The following UBR2 variants were observed in gnomAD, a reference collection of about 807,000 sequenced individuals.
The protein encoded by UBR2 is ubiquitin protein ligase E3 component n-recognin 2.
Under a neutral mutation model 247.9 loss-of-function variants are expected in UBR2, and 92 were observed. The ratio of observed to expected loss-of-function variants is 0.37; its 90% confidence interval spans 0.31 to 0.44. UBR2 has a LOEUF of 0.44. Ranked by LOEUF, UBR2 falls within the 20% of genes least tolerant of loss-of-function variation. The pLI is 1.00. For missense variants in UBR2, 1,613 were observed against 2,112.6 expected, an observed-to-expected ratio of 0.76 and a Z score of 4.64; for synonymous variants, 672 against 693.5, an observed-to-expected ratio of 0.97 and a Z score of 0.49.
In UBR2 at chr6:42,592,587, A is replaced by C. The variant is rs1360956303; in HGVS notation, c.417+358A>C. Among the ~76,000 whole-genome samples, 8 of 152,170 alleles carry C rather than the reference A, an allele frequency of 5.3e-5. No individual in the cohort carries two copies. The East Asian group carries it at 1.5e-3, about 29-fold the overall frequency. Reference sequence around the variant, plus strand: ...CAGTTTAGTATTTTTTCACTGCTGTAATGCTGTCAGTACTTTTCAAAATTC... The same window carrying C: ...CAGTTTAGTATTTTTTCACTGCTGTCATGCTGTCAGTACTTTTCAAAATTC... On this transcript the variant is annotated intron_variant, in intron 3 of 46. Transcript: ENST00000372901.
intron 8 of UBR2, among the ~76,000 whole-genome samples, chr6:42,614,783 T>C (rs1040023578): frequency 4.7e-5 from 7 of 150,534 alleles, no homozygotes; most frequent in African/African-American, 1.7e-4. Flanking sequence ...AGTGGTTTTT[T>C]GGATGTTTTT....
At position 42,679,626 on chromosome 6, in the gene UBR2, C is replaced by T. The variant is rs1349651116; in HGVS notation, c.4610-98C>T. ...GTTACGTACCTGGCAAATTGGAAGT[C>T]TTTCATCCTTTTTTTTTAAACTCTG... is the stretch of plus-strand genomic sequence containing the variant. On this transcript the variant is annotated intron_variant, in intron 41 of 46. Transcript: ENST00000372901. 2.8e-5 allele frequency: 25 copies of T among 888,986 alleles called. No individual in the cohort carries two copies. The South Asian group carries it at 3.2e-4, about 12-fold the overall frequency. The allele number at this position is 888,986 out of a possible 1,614,324, so 55.1% of individuals were successfully genotyped here.
chr6:42,629,011 TTTTTTG>T (rs953574189), intron 11 of UBR2, among the ~76,000 whole-genome samples: 65 of 151,904 alleles, frequency 4.3e-4, no homozygotes, highest in African/African-American at 1.5e-3. Context: ...AATCAGGGGT[TTTTTTG>T]TTTTTGTTTT....
At position 42,691,287 on chromosome 6, in the gene UBR2, C is replaced by A. The variant is rs1799738138; in HGVS notation, c.*114C>A. The stretch of plus-strand genomic sequence containing the variant: ...AAATTCTTTATTTAAACTTTCCTTC[C>A]CAGTTTTATAGTTTCTGGTTCTGAG... On this transcript the variant is annotated 3_prime_UTR_variant, in exon 47 of 47. Coordinates refer to ENST00000372901, the MANE Select transcript of UBR2 (RefSeq NM_001363705.2). 10 of 1,449,436 alleles carry A rather than the reference C, an allele frequency of 6.9e-6. No individual in the cohort carries two copies. The highest frequency in any genetic ancestry group is 9.4e-6 in the Non-Finnish European group (10 of 1,061,976). 89.8% of individuals were successfully genotyped at this position (1,449,436 alleles called of 1,614,324 possible).
In UBR2 at chr6:42,658,063, C is replaced by CTA. The variant is rs769431345; in HGVS notation, c.2914_2915dup (p.Met972IlefsTer12). The CTA allele has an allele frequency of 6.2e-7, 1 of 1,614,048 alleles. No homozygotes were observed. ...CCAAAAAATTCTCCTAGCATACTAG[C>CTA]TATGCTGGAAACACTACAAAATGCT... On this transcript the variant is annotated frameshift_variant, in exon 27 of 47. Transcript: ENST00000372901. LOFTEE classifies it high-confidence loss of function.
intron 26 of UBR2, among the ~76,000 whole-genome samples, chr6:42,657,553 A>G (rs543049504): frequency 6.6e-6 from 1 of 152,354 alleles, no homozygotes; most frequent in East Asian, 1.9e-4. Flanking sequence ...GACTAATAGA[A>G]AATATGGACT....
rs1276689111 is a variant in UBR2 at position 42,689,407 on chromosome 6, G to A, written c.5025-162G>A. ...GGATCAGGGGACACAAATTTGACTC[G>A]ATTCAACCTATTTCCTAGTTTGTGC... On this transcript the variant is annotated intron_variant, in intron 45 of 46. Coordinates refer to ENST00000372901, the MANE Select transcript of UBR2 (RefSeq NM_001363705.2). This position sits in a 1 kb window ranked among gnomAD's most constrained non-coding sequence, Gnocchi z 4.0. Among the ~76,000 whole-genome samples, 1 of 152,112 alleles carries A rather than the reference G, an allele frequency of 6.6e-6. No individual in the cohort carries two copies. The highest frequency in any genetic ancestry group is 2.4e-5 in the African/African-American group (1 of 41,424).
chr6:42,674,490 G>T (rs1379664687), intron 38 of UBR2, among the ~76,000 whole-genome samples: 1 of 152,144 alleles, frequency 6.6e-6, no homozygotes, highest in Non-Finnish European at 1.5e-5. Context: ...CGGGTCAGGT[G>T]TGGTGACTCA....
rs1797650778 is a variant in UBR2, at chr6:42,659,463, T to C, written c.3243-193T>C. On this transcript the variant is annotated intron_variant, in intron 29 of 46. Coordinates refer to ENST00000372901, the MANE Select transcript of UBR2 (RefSeq NM_001363705.2). This position sits in a 1 kb window ranked among gnomAD's most constrained non-coding sequence, Gnocchi z 4.3. ...TTGCAGTGAGCCAAGATTGTGCCAC[T>C]CACCCCAGCCTGGGTGACAGAGCAA... Among the ~76,000 whole-genome samples the C allele has an allele frequency of 6.6e-6, 1 of 150,836 alleles. No homozygotes were observed. The highest frequency in any genetic ancestry group is 2.4e-5 in the African/African-American group (1 of 40,920).
chr6:42,593,400 T>G (rs1792786666), intron 3 of UBR2, among the ~76,000 whole-genome samples: 1 of 152,178 alleles, frequency 6.6e-6, no homozygotes, highest in Non-Finnish European at 1.5e-5. Context: ...TTTATAGGGT[T>G]ACATTAATTA....
intron 11 of UBR2, among the ~76,000 whole-genome samples, chr6:42,623,860 GTTAT>G (rs1289004003): frequency 6.6e-6 from 1 of 151,644 alleles, no homozygotes; most frequent in African/African-American, 2.4e-5. Context: ...TGTTAATAAG[GTTAT>G]TTAATTTTTT....
At chr6:42,648,300 T>C in intron 22 of UBR2, 130 bp downstream of exon 22, 1 of 749,884 alleles carries the variant, frequency 1.3e-6, no homozygotes, top group Non-Finnish European at 2.3e-6. Context: ...ATTTTCAAAT[T>C]ATAGCTCTGA....
At chr6:42,672,848 G>T (rs1377885107) in intron 36 of UBR2, among the ~76,000 whole-genome samples, 1 of 152,076 alleles carries the variant, frequency 6.6e-6, no homozygotes, top group East Asian at 1.9e-4. Context: ...GAGAGCAGGA[G>T]GGGGAGAATG....
rs1799739127 is a variant in UBR2 at position 42,691,305 on chromosome 6, G to T, written c.*132G>T. The T allele has an allele frequency of 7.0e-6, 9 of 1,283,052 alleles. No individual in the cohort carries two copies. The South Asian group carries it at 1.1e-4, about 16-fold the overall frequency. The allele number at this position is 1,283,052 out of a possible 1,614,324, so 79.5% of individuals were successfully genotyped here. A position where few individuals can be genotyped will look rare whatever the true frequency, so the allele number is the denominator to read the frequency against. On this transcript the variant is annotated 3_prime_UTR_variant, in exon 47 of 47. Coordinates refer to ENST00000372901, the MANE Select transcript of UBR2 (RefSeq NM_001363705.2). ...TTCCTTCCCAGTTTTATAGTTTCTGGTTCTGAGGACTGATGAAAATCATCT... is the reference window on the plus strand; with the variant it reads ...TTCCTTCCCAGTTTTATAGTTTCTGTTTCTGAGGACTGATGAAAATCATCT...
At chr6:42,631,537 C>T (rs1795710231) in intron 11 of UBR2, among the ~76,000 whole-genome samples, 1 of 151,976 alleles carries the variant, frequency 6.6e-6, no homozygotes, top group African/African-American at 2.4e-5. Context: ...TATAAATATT[C>T]CTACAACTAT....
chr6:42,574,264 C>T (rs1791357045), intron 2 of UBR2, among the ~76,000 whole-genome samples: 1 of 152,160 alleles, frequency 6.6e-6, no homozygotes, highest in South Asian at 2.1e-4. Flanking sequence ...TTGCAATAAT[C>T]ACTTTCTTGC....
chr6:42,627,740 G>A (rs937998435), intron 11 of UBR2, among the ~76,000 whole-genome samples: 1 of 151,852 alleles, frequency 6.6e-6, no homozygotes, highest in African/African-American at 2.4e-5. Flanking sequence ...TTGAACTCCT[G>A]GGCTCAAATG....
intron 2 of UBR2, among the ~76,000 whole-genome samples, chr6:42,580,380 C>T (rs1461748869): frequency 6.6e-6 from 1 of 152,114 alleles, no homozygotes; most frequent in African/African-American, 2.4e-5. Context: ...CTGCCTTTGC[C>T]TAGATGGTAA....
chr6:42,659,582 C>G lies in UBR2; in HGVS notation c.3243-74C>G. The G allele has an allele frequency of 1.7e-6, 2 of 1,205,200 alleles. No individual in the cohort carries two copies. Among genetic ancestry groups the G allele is most frequent in the African/African-American group, 1.5e-5 (1 of 65,716 alleles). The allele number at this position is 1,205,200 out of a possible 1,614,324, so 74.7% of individuals were successfully genotyped here. ...ACACACTACACACACACACACATAC[C>G]TGTAGTCTGCTATTTTGTGATTATA... On this transcript the variant is annotated intron_variant, in intron 29 of 46. Transcript: ENST00000372901. This position sits in a 1 kb window ranked among gnomAD's most constrained non-coding sequence, Gnocchi z 4.3.
Sources: allele counts gnomAD v4.1 joint callset (sites outside exome capture counted in the v4.1 genomes callset), GRCh38; gene constraint gnomAD v4.1.1; non-coding constraint Gnocchi (gnomAD v3.1); transcripts MANE v1.5; gene names NCBI Gene and HGNC (gene_info 2026-07-23, HGNC 2026-07-21).